TBPL2: variants seen among roughly 807,000 people sequenced by gnomAD.
TBPL2 encodes TATA box-binding protein-like 2.
Under a neutral mutation model 38.2 loss-of-function variants are expected in TBPL2, and 40 were observed. The ratio of observed to expected loss-of-function variants is 1.05; its 90% CI spans 0.81 to 1.36. TBPL2 has a LOEUF of 1.36. Among genes scored for constraint, TBPL2 ranks in the 40% most tolerant of loss-of-function variants. The pLI is 0.00. For missense variants in TBPL2, 461 were observed against 456.7 expected (o/e 1.01, Z -0.09); for synonymous variants, 169 against 171.7 (o/e 0.98, Z 0.12).
intron 5 of TBPL2, among the ~76,000 whole-genome samples, chr14:55,427,443 C>A (rs2140171603): frequency 6.6e-6 from 1 of 152,192 alleles, no homozygotes; most frequent in Non-Finnish European, 1.5e-5. Context: ...GAAAGGAAAG[C>A]TAACAAATGT....
At position 55,440,344 on chromosome 14, in the gene TBPL2, A is replaced by G. The variant is rs1594795959; in HGVS notation, c.150+52T>C. ...GGAACGAAGGCAAAGCCCTTGGCACAGGACCGGGCGGGACTTGGGTCCTGA... is the reference window on the plus strand; with the variant it reads ...GGAACGAAGGCAAAGCCCTTGGCACGGGACCGGGCGGGACTTGGGTCCTGA... On this transcript the variant is annotated intron_variant, in intron 1 of 6. Transcript: ENST00000247219. 1.4e-5 allele frequency: 23 copies of G among 1,606,182 alleles called. No individual in the cohort carries two copies. In the East Asian group the frequency reaches 5.2e-4, roughly 36 times the overall value.
chr14:55,440,268 A>T, intron 1 of TBPL2, 128 bp downstream of exon 1: 1 of 1,180,720 alleles, frequency 8.5e-7, no homozygotes. Flanking sequence ...CCTTCAACTT[A>T]ATGACTTGGG....
At chr14:55,433,159 T>C (rs1885959068) in intron 4 of TBPL2, among the ~76,000 whole-genome samples, 1 of 152,064 alleles carries the variant, frequency 6.6e-6, no homozygotes, top group Non-Finnish European at 1.5e-5. Context: ...GACAGGGTCT[T>C]GCTCTGTAAC....
At chr14:55,415,745 C>A (rs7156360) in intron 6 of TBPL2, among the ~76,000 whole-genome samples, 66,149 of 151,764 alleles carry the variant, frequency 0.44, 15,118 homozygotes, top group African/African-American at 0.58. Flanking sequence ...GGGCGTCTGT[C>A]ATCCTAGCTA....
intron 6 of TBPL2, among the ~76,000 whole-genome samples, chr14:55,416,281 C>T (rs1885668695): frequency 6.6e-6 from 1 of 151,996 alleles, no homozygotes; most frequent in Admixed American, 6.6e-5. Context: ...GGGATGAAGT[C>T]CTTATAAGCT....
chr14:55,440,384 C>G lies in TBPL2; in HGVS notation c.150+12G>C, dbSNP rs1886091233. 2 of 1,612,782 alleles carry G rather than the reference C, an allele frequency of 1.2e-6. No individual in the cohort carries two copies. Among genetic ancestry groups the G allele is most frequent in the East Asian group, 2.2e-5 (1 of 44,858 alleles). ...TTGGGTCCTGACTCTGGGACAGTGGCGGCAGCCTCACCTGAGCGGCGCACT... is the reference window on the plus strand; with the variant it reads ...TTGGGTCCTGACTCTGGGACAGTGGGGGCAGCCTCACCTGAGCGGCGCACT... On this transcript the variant is annotated intron_variant, in intron 1 of 6. Transcript: ENST00000247219.
intron 1 of TBPL2, among the ~76,000 whole-genome samples, chr14:55,439,853 C>T (rs1886080725): frequency 6.7e-6 from 1 of 148,356 alleles, no homozygotes; most frequent in African/African-American, 2.5e-5. Context: ...ATGGCGTGAA[C>T]CTGGGAGGCA....
Position 55,440,418 on chromosome 14 carries a change from T to C in TBPL2, c.128A>G (p.Tyr43Cys). ...CACCTGAGCGGCGCACTGGTCCAGG[T>C]AGAGCTCCAGGTAGGTCTCCTCCTG... Residue 43 changes from tyrosine (Y) to cysteine (C), a missense_variant, in exon 1 of 7, where the codon TAC becomes TGC. Coordinates refer to ENST00000247219, the Ensembl canonical transcript of TBPL2. 7 of 1,612,870 alleles carry C rather than the reference T, an allele frequency of 4.3e-6. No individual in the cohort carries two copies. Among genetic ancestry groups the C allele is most frequent in the East Asian group, 4.5e-5 (2 of 44,838 alleles).
intron 4 of TBPL2, among the ~76,000 whole-genome samples, chr14:55,432,424 AAC>A (rs1885944722): frequency 6.6e-6 from 1 of 150,440 alleles, no homozygotes; most frequent in Non-Finnish European, 1.5e-5. Context: ...GAAAAAAAAA[AAC>A]AACAAATAAA....
chr14:55,416,203 C>T (rs1885666162), intron 6 of TBPL2, among the ~76,000 whole-genome samples: 1 of 152,158 alleles, frequency 6.6e-6, no homozygotes, highest in South Asian at 2.1e-4. Context: ...CTACTAAATG[C>T]CACTGAACTG....
chr14:55,429,464 C>G (rs1885887868), intron 4 of TBPL2, among the ~76,000 whole-genome samples: 1 of 152,268 alleles, frequency 6.6e-6, no homozygotes, highest in East Asian at 1.9e-4. Context: ...AAGTATGTCC[C>G]ATTTAGAAGA....
chr14:55,418,833 G>C (rs566562695), intron 6 of TBPL2, among the ~76,000 whole-genome samples: 14 of 152,318 alleles, frequency 9.2e-5, no homozygotes, highest in African/African-American at 3.1e-4. Flanking sequence ...AACCAGGAGA[G>C]TGTGTTTTCA....
intron 5 of TBPL2, among the ~76,000 whole-genome samples, chr14:55,428,486 T>G (rs1050318136): frequency 1.3e-5 from 2 of 152,144 alleles, no homozygotes; most frequent in Non-Finnish European, 2.9e-5. Context: ...CTCTGACCAG[T>G]AGCACTGTCA....
At chr14:55,423,380 CG>C (rs1566591424) in intron 6 of TBPL2, among the ~76,000 whole-genome samples, 1 of 152,178 alleles carries the variant, frequency 6.6e-6, no homozygotes, top group East Asian at 1.9e-4. Context: ...TAGCCTTAAA[CG>C]AAAGTCCCAT....
chr14:55,438,294 T>C (rs1231023550), intron 1 of TBPL2, among the ~76,000 whole-genome samples: 3 of 152,184 alleles, frequency 2.0e-5, no homozygotes, highest in Admixed American at 2.0e-4. Flanking sequence ...GGGTGACTAA[T>C]TGTTTAAAGA....
At chr14:55,436,666 G>A (rs1314825685) in exon 2 of TBPL2, 2 of 1,614,206 alleles carry the variant, frequency 1.2e-6, no homozygotes, top group South Asian at 2.2e-5. Context: ...CTCAGGAGAG[G>A]GCTGGACTGA....
chr14:55,415,340 A>G (rs896113000), intron 6 of TBPL2, among the ~76,000 whole-genome samples: 2 of 152,244 alleles, frequency 1.3e-5, no homozygotes, highest in Non-Finnish European at 2.9e-5. Flanking sequence ...ACTCTTAAGA[A>G]CTATAAAGTA....
chr14:55,425,623 GA>G (rs1441945825), intron 5 of TBPL2, among the ~76,000 whole-genome samples: 2 of 152,170 alleles, frequency 1.3e-5, no homozygotes, highest in African/African-American at 4.8e-5. Flanking sequence ...CAAAGATTGA[GA>G]ATATCGAACA....
chr14:55,414,917 A>G (rs910655988), intron 6 of TBPL2, among the ~76,000 whole-genome samples: 9 of 152,238 alleles, frequency 5.9e-5, no homozygotes, highest in Non-Finnish European at 1.3e-4. Context: ...TAAATTTAAA[A>G]GAGTTTTAAA....
Sources: allele counts gnomAD v4.1 joint callset (sites outside exome capture counted in the v4.1 genomes callset), GRCh38; gene constraint gnomAD v4.1.1; transcripts MANE v1.5; gene names NCBI Gene and HGNC (gene_info 2026-07-23, HGNC 2026-07-21).